MEI4: variants seen among roughly 807,000 people sequenced by gnomAD.
MEI4 encodes meiosis-specific protein MEI4.
MEI4 carries 27 observed loss-of-function variants against 31.4 expected under a neutral mutation model. That is an observed-to-expected ratio of 0.86 (90% CI 0.63 to 1.19). The LOEUF is 1.19. Among genes scored for constraint, MEI4 ranks in the 50% most tolerant of loss-of-function variants. The pLI is 0.00. For missense variants in MEI4, 329 were observed against 398.9 expected (o/e 0.82, Z 1.49); for synonymous variants, 122 against 145.4 (o/e 0.84, Z 1.16).
intron 4 of MEI4, among the ~76,000 whole-genome samples, chr6:77,851,616 C>T (rs770839918): frequency 5.0e-5 from 6 of 119,036 alleles, no homozygotes; most frequent in African/African-American, 2.1e-4. Context: ...GGGAACATCA[C>T]ATACTGGGGC....
intron 3 of MEI4, among the ~76,000 whole-genome samples, chr6:77,776,878 A>C (rs1460205957): frequency 6.6e-6 from 1 of 152,166 alleles, no homozygotes; most frequent in Non-Finnish European, 1.5e-5. Context: ...TTAGATTTTA[A>C]AACTTTACTT....
chr6:77,713,846 A>G (rs541626700), intron 2 of MEI4, among the ~76,000 whole-genome samples: 4 of 151,870 alleles, frequency 2.6e-5, no homozygotes, highest in Non-Finnish European at 5.9e-5. Context: ...CATCATCTCT[A>G]CTTGCCTATT....
At chr6:77,664,857 CTT>C (rs1158433934) in intron 1 of MEI4, among the ~76,000 whole-genome samples, 1 of 152,046 alleles carries the variant, frequency 6.6e-6, no homozygotes, top group Non-Finnish European at 1.5e-5. Flanking sequence ...CATTTTCTGA[CTT>C]TGGAACTACT....
At chr6:77,666,478 TAC>T (rs769941309) in intron 1 of MEI4, among the ~76,000 whole-genome samples, 5 of 152,168 alleles carry the variant, frequency 3.3e-5, no homozygotes, top group Non-Finnish European at 5.9e-5. Context: ...AATGAATGTT[TAC>T]AGTGTGATTG....
intron 4 of MEI4, among the ~76,000 whole-genome samples, chr6:77,872,904 A>G (rs1311971831): frequency 4.0e-5 from 6 of 151,440 alleles, no homozygotes; most frequent in Admixed American, 6.6e-5. Context: ...TACAAAGGAC[A>G]TGAACTCATC....
chr6:77,717,245 G>T (rs1766604856), intron 2 of MEI4, among the ~76,000 whole-genome samples: 1 of 77,196 alleles, frequency 1.3e-5, no homozygotes, highest in Non-Finnish European at 2.7e-5. Context: ...AAAGGATTAA[G>T]TGCTGTGCTT....
chr6:77,772,723 GAAAT>G (rs1003559533), intron 3 of MEI4, among the ~76,000 whole-genome samples: 4 of 151,876 alleles, frequency 2.6e-5, no homozygotes, highest in African/African-American at 7.2e-5. Context: ...TCAGACAAGA[GAAAT>G]AAAGTGCATT....
At chr6:77,775,353 A>C (rs1274638160) in intron 3 of MEI4, among the ~76,000 whole-genome samples, 1 of 152,020 alleles carries the variant, frequency 6.6e-6, no homozygotes, top group Non-Finnish European at 1.5e-5. Flanking sequence ...CTTTCCCCCG[A>C]GTCCCCAAAG....
intron 4 of MEI4, among the ~76,000 whole-genome samples, chr6:77,835,036 A>G (rs1013977900): frequency 2.0e-5 from 3 of 151,850 alleles, no homozygotes; most frequent in Non-Finnish European, 2.9e-5. Context: ...GACTATTACT[A>G]TAATTATCTT....
intron 4 of MEI4, among the ~76,000 whole-genome samples, chr6:77,869,661 T>G (rs990064085): frequency 3.3e-5 from 5 of 152,136 alleles, no homozygotes; most frequent in Non-Finnish European, 7.3e-5. Context: ...GGTTGTGATA[T>G]TTTGCTATAG....
chr6:77,800,674 C>G (rs1769228166), intron 3 of MEI4, among the ~76,000 whole-genome samples: 1 of 152,054 alleles, frequency 6.6e-6, no homozygotes, highest in South Asian at 2.1e-4. Context: ...CCATGAATAC[C>G]TAATTTAGTC....
intron 2 of MEI4, among the ~76,000 whole-genome samples, chr6:77,742,878 C>A (rs6915199): frequency 0.53 from 79,890 of 151,492 alleles, 22,531 homozygotes; most frequent in East Asian, 0.75. Context: ...TAAATAGGGA[C>A]TCCTTTCCCC....
chr6:77,915,260 G>C (rs2127740288), intron 4 of MEI4, among the ~76,000 whole-genome samples: 1 of 151,966 alleles, frequency 6.6e-6, no homozygotes, highest in South Asian at 2.1e-4. Flanking sequence ...TTTCCATAAT[G>C]GTAGATATCT....
intron 4 of MEI4, among the ~76,000 whole-genome samples, chr6:77,894,697 A>T (rs1046707754): frequency 1.3e-5 from 2 of 152,184 alleles, no homozygotes; most frequent in African/African-American, 4.8e-5. Context: ...CTCTCTTGTG[A>T]GCCAATCTTG....
intron 2 of MEI4, among the ~76,000 whole-genome samples, chr6:77,758,260 TATC>T (rs1423685582): frequency 2.0e-5 from 3 of 152,038 alleles, no homozygotes; most frequent in African/African-American, 7.2e-5. Context: ...CTTTCTGCAT[TATC>T]ATTGTCTCCT....
chr6:77,689,057 A>T (rs1769111269), intron 1 of MEI4, among the ~76,000 whole-genome samples: 2 of 152,090 alleles, frequency 1.3e-5, no homozygotes, highest in African/African-American at 4.8e-5. Flanking sequence ...TAGTTTCTTT[A>T]CATTTTTAAT....
chr6:77,729,738 A>G (rs1269838304), intron 2 of MEI4, among the ~76,000 whole-genome samples: 2 of 152,200 alleles, frequency 1.3e-5, no homozygotes, highest in East Asian at 3.8e-4. Flanking sequence ...TACTTAAAAG[A>G]CAGTTTTCTG....
At chr6:77,899,599 G>A (rs1056075662) in intron 4 of MEI4, among the ~76,000 whole-genome samples, 6 of 152,152 alleles carry the variant, frequency 3.9e-5, no homozygotes, top group Admixed American at 6.6e-5. Flanking sequence ...AGATGAGCAC[G>A]TTACACCTAC....
At chr6:77,810,696 A>G (rs550075745) in intron 3 of MEI4, among the ~76,000 whole-genome samples, 3 of 152,308 alleles carry the variant, frequency 2.0e-5, no homozygotes, top group East Asian at 1.9e-4. Flanking sequence ...AATACATGTT[A>G]TAGACTCCTT....
Sources: gnomAD v4.1 joint callset for allele counts (sites outside exome capture counted in the v4.1 genomes callset) on GRCh38, gnomAD v4.1.1 for gene constraint, MANE v1.5 for transcripts, NCBI Gene and HGNC (gene_info 2026-07-23, HGNC 2026-07-21) for gene names.